The following AIG1 variants were observed in gnomAD, a reference collection of about 807,000 sequenced individuals.
AIG1 encodes androgen induced 1.
AIG1 carries 23 observed loss-of-function variants against 31.4 expected under a neutral mutation model. That is an observed-to-expected ratio of 0.73 (90% CI 0.53 to 1.04). AIG1 has a LOEUF of 1.04. AIG1 is among the 50% of genes least tolerant of loss of function. The pLI, the probability that AIG1 is intolerant of heterozygous loss-of-function variation, is 0.00. For missense variants in AIG1, 274 were observed against 295.0 expected (o/e 0.93, Z 0.52); for synonymous variants, 100 against 110.5 (o/e 0.90, Z 0.60).
chr6:143,080,852 A>G (rs1778184410), intron 1 of AIG1, among the ~76,000 whole-genome samples: 1 of 152,056 alleles, frequency 6.6e-6, no homozygotes, highest in South Asian at 2.1e-4. Context: ...AGATAAAATG[A>G]CTGGGTAGGG....
intron 3 of AIG1, among the ~76,000 whole-genome samples, chr6:143,253,912 G>A (rs1301319008): frequency 6.6e-6 from 1 of 152,128 alleles, no homozygotes; most frequent in Non-Finnish European, 1.5e-5. Flanking sequence ...CTCCCTATTA[G>A]GCTGGCAGTA....
rs566713429 is a variant in AIG1, at chr6:143,298,757, C to G, written c.515+14532C>G. ...ACCCTGGGCAACAGAGCAAGACTGT[C>G]TCTAAAATTGCAGTGGGCAATGGGC... On this transcript the variant is annotated intron_variant, in intron 4 of 5. Transcript: ENST00000357847. This position sits in a 1 kb window ranked among gnomAD's most constrained non-coding sequence, Gnocchi z 5.1. The G allele has an allele frequency of 2.6e-5, 4 of 152,500 alleles. No individual in the cohort carries two copies. The highest frequency in any genetic ancestry group is 9.6e-5 in the African/African-American group (4 of 41,570). 9.4% of individuals were successfully genotyped at this position (152,500 alleles called of 1,614,324 possible). A position where few individuals can be genotyped will look rare whatever the true frequency, so the allele number is the denominator to read the frequency against.
intron 4 of AIG1, among the ~76,000 whole-genome samples, chr6:143,304,941 T>G (rs1799138192): frequency 6.6e-6 from 1 of 152,222 alleles, no homozygotes; most frequent in African/African-American, 2.4e-5. Flanking sequence ...AACTTCTTCC[T>G]GGTTTAGTCC....
intron 3 of AIG1, among the ~76,000 whole-genome samples, chr6:143,254,048 G>T (rs1454844600): frequency 6.6e-6 from 1 of 152,112 alleles, no homozygotes; most frequent in Non-Finnish European, 1.5e-5. Context: ...CTCTTCAAAG[G>T]CTTGCTCCCT....
intron 4 of AIG1, among the ~76,000 whole-genome samples, chr6:143,294,421 G>A (rs1010403215): frequency 6.6e-6 from 1 of 152,188 alleles, no homozygotes; most frequent in African/African-American, 2.4e-5. Context: ...TCATGAGCCA[G>A]ACTGCCTAAG....
intron 4 of AIG1, among the ~76,000 whole-genome samples, chr6:143,318,270 G>C (rs1775929671): frequency 6.6e-6 from 1 of 152,106 alleles, no homozygotes; most frequent in Admixed American, 6.5e-5. Flanking sequence ...GCATGGTACT[G>C]GTATAAAAAT....
intron 4 of AIG1, among the ~76,000 whole-genome samples, chr6:143,321,698 G>A (rs1776228802): frequency 6.6e-6 from 1 of 152,222 alleles, no homozygotes; most frequent in Admixed American, 6.5e-5. Flanking sequence ...CTAAAGGGCA[G>A]TTGGTGGGGC....
At chr6:143,240,289 C>T (rs570196326) in intron 3 of AIG1, among the ~76,000 whole-genome samples, 4 of 152,082 alleles carry the variant, frequency 2.6e-5, no homozygotes, top group Non-Finnish European at 5.9e-5. Flanking sequence ...TACAATAGGC[C>T]CTGGCGAATA....
rs201833573 is a variant in AIG1, at chr6:143,245,404, A to AT, written c.400-38700dup. ...GTGTGTAGAGTTTCATGGTGATTTG[A>AT]TTTTTTCCCCTGAGGCTCTGCACTA... On this transcript the variant is annotated intron_variant, in intron 3 of 5. Coordinates refer to ENST00000357847, the MANE Select transcript of AIG1 (RefSeq NM_016108.4). Among the ~76,000 whole-genome samples the AT allele has an allele frequency of 4.6e-3, 693 of 152,194 alleles. 4 individuals are homozygous for AT. Among genetic ancestry groups the AT allele is most frequent in the African/African-American group, 0.016 (653 of 41,530 alleles).
intron 3 of AIG1, among the ~76,000 whole-genome samples, chr6:143,238,611 G>A (rs968232786): frequency 4.6e-5 from 7 of 152,308 alleles, no homozygotes; most frequent in Non-Finnish European, 1.0e-4. Context: ...TGTTTCATTT[G>A]AAAGGAAGAA....
intron 3 of AIG1, among the ~76,000 whole-genome samples, chr6:143,265,475 A>T (rs1796091923): frequency 1.3e-5 from 2 of 151,952 alleles, no homozygotes; most frequent in Admixed American, 1.3e-4. Context: ...TCTTTCTCTC[A>T]TTCTCTTCCC....
chr6:143,205,787 G>A (rs1383658125), intron 3 of AIG1, among the ~76,000 whole-genome samples: 1 of 152,140 alleles, frequency 6.6e-6, no homozygotes, highest in Non-Finnish European at 1.5e-5. Context: ...GCATTCATGA[G>A]GTCTTTCAGC....
At chr6:143,143,528 A>AAAAAAAT (rs1554249782) in intron 2 of AIG1, among the ~76,000 whole-genome samples, 3 of 27,794 alleles carry the variant, frequency 1.1e-4, no homozygotes, top group African/African-American at 9.6e-5. Context: ...AAAAAAAAAA[A>AAAAAAAT]ATATATATAT....
intron 3 of AIG1, among the ~76,000 whole-genome samples, chr6:143,277,661 G>C (rs182627520): frequency 1.3e-5 from 2 of 152,234 alleles, no homozygotes; most frequent in African/African-American, 4.8e-5. Flanking sequence ...ACAGGTGCCA[G>C]TAGCGGACAG....
At chr6:143,262,587 A>G (rs1355621128) in intron 3 of AIG1, among the ~76,000 whole-genome samples, 2 of 152,240 alleles carry the variant, frequency 1.3e-5, no homozygotes, top group African/African-American at 4.8e-5. Context: ...AATTTAAGAA[A>G]TAGGGATTCT....
chr6:143,288,539 C>T lies in AIG1; in HGVS notation c.515+4314C>T, dbSNP rs1029737246. Among the ~76,000 whole-genome samples, 1 of 152,166 alleles carries T rather than the reference C, an allele frequency of 6.6e-6. No homozygotes were observed. The highest frequency in any genetic ancestry group is 1.5e-5 in the Non-Finnish European group (1 of 68,038). On this transcript the variant is annotated intron_variant, in intron 4 of 5. Coordinates refer to ENST00000357847, the MANE Select transcript of AIG1 (RefSeq NM_016108.4). This position sits in a 1 kb window ranked among gnomAD's most constrained non-coding sequence, Gnocchi z 4.4. ...AATAGAGATGTCTGTTGTCTCTGCA[C>T]CCTAGTGGTTTTAAACAAATTCCAT...
chr6:143,332,551 G>A (rs1000738330), intron 4 of AIG1, among the ~76,000 whole-genome samples: 1 of 152,152 alleles, frequency 6.6e-6, no homozygotes, highest in African/African-American at 2.4e-5. Flanking sequence ...AGAGGAGTGG[G>A]AAGCTGGTAC....
At chr6:143,237,641 T>C (rs1442530708) in intron 3 of AIG1, among the ~76,000 whole-genome samples, 1 of 152,238 alleles carries the variant, frequency 6.6e-6, no homozygotes, top group East Asian at 1.9e-4. Context: ...CATGTAAGGT[T>C]ACCACCAACT....
At chr6:143,137,116 AC>A in intron 2 of AIG1, 126 bp downstream of exon 2, 2 of 1,039,626 alleles carry the variant, frequency 1.9e-6, no homozygotes, top group Non-Finnish European at 2.5e-6. Context: ...AGCTGTCAGT[AC>A]CACAGATGCG....
Sources: allele counts gnomAD v4.1 joint callset (sites outside exome capture counted in the v4.1 genomes callset), GRCh38; gene constraint gnomAD v4.1.1; non-coding constraint Gnocchi (gnomAD v3.1); transcripts MANE v1.5; gene names NCBI Gene and HGNC (gene_info 2026-07-23, HGNC 2026-07-21).